Variants in NAALADL2 observed in about 807,000 individuals in gnomAD.
NAALADL2 encodes the protein inactive N-acetylated-alpha-linked acidic dipeptidase-like protein 2.
NAALADL2 carries 76 observed loss-of-function variants against 87.2 expected under a neutral mutation model. The ratio of observed to expected loss-of-function variants is 0.87; its 90% CI spans 0.72 to 1.05. The LOEUF (loss-of-function observed/expected upper bound fraction) is 1.05, where lower values mean the gene tolerates loss of function less well. Among genes scored for constraint, NAALADL2 ranks in the 50% least tolerant of loss-of-function variants. The pLI is 0.00. For synonymous variants in NAALADL2, 354 were observed against 331.0 expected (o/e 1.07, Z -0.75); for missense variants, 1,089 against 945.8 (o/e 1.15, Z -1.99).
chr3:175,427,688 T>G (rs1264954345), intron 5 of NAALADL2, among the ~76,000 whole-genome samples: 1 of 152,180 alleles, frequency 6.6e-6, no homozygotes, highest in Non-Finnish European at 1.5e-5. Context: ...AATATTACAT[T>G]TCTTGTTTTC....
chr3:175,413,324 C>G (rs546141411), intron 5 of NAALADL2, among the ~76,000 whole-genome samples: 24 of 151,140 alleles, frequency 1.6e-4, no homozygotes, highest in African/African-American at 5.1e-4. Context: ...GTAATCCCAG[C>G]CTTTTGGGAG....
intron 11 of NAALADL2, among the ~76,000 whole-genome samples, chr3:175,693,397 T>G (rs1396156873): frequency 6.6e-6 from 1 of 152,154 alleles, no homozygotes. Flanking sequence ...AGTAACCCAA[T>G]GCACTCAGGC....
chr3:174,456,396 C>T (rs1425271306), intron 1 of NAALADL2, among the ~76,000 whole-genome samples: 1 of 98,162 alleles, frequency 1.0e-5, no homozygotes, highest in Non-Finnish European at 1.9e-5. Context: ...AATCAACAGC[C>T]AAGGCAATCC....
intron 2 of NAALADL2, among the ~76,000 whole-genome samples, chr3:174,726,545 A>G (rs1281036650): frequency 6.6e-6 from 1 of 151,990 alleles, no homozygotes; most frequent in Middle Eastern, 3.2e-3. Context: ...CCCAAGGTGA[A>G]TGCTTAACTG....
intron 13 of NAALADL2, among the ~76,000 whole-genome samples, chr3:175,774,571 G>GA (rs929994471): frequency 9.4e-5 from 14 of 148,592 alleles, no homozygotes; most frequent in East Asian, 2.0e-4. Context: ...TTTGTTTGCA[G>GA]AAAAAAAAAA....
intron 1 of NAALADL2, among the ~76,000 whole-genome samples, chr3:174,454,878 C>A (rs1006015976): frequency 3.3e-5 from 5 of 151,692 alleles, no homozygotes; most frequent in Non-Finnish European, 5.9e-5. Context: ...CAAGAAATAA[C>A]CAAAATCAGA....
At chr3:174,520,168 C>A (rs1720187125) in intron 1 of NAALADL2, among the ~76,000 whole-genome samples, 1 of 152,138 alleles carries the variant, frequency 6.6e-6, no homozygotes, top group Non-Finnish European at 1.5e-5. Context: ...CAATGCAATT[C>A]CTGGCAAATT....
At chr3:175,086,915 A>G (rs995244360) in intron 1 of NAALADL2, among the ~76,000 whole-genome samples, 1 of 152,178 alleles carries the variant, frequency 6.6e-6, no homozygotes, top group Non-Finnish European at 1.5e-5. Flanking sequence ...AGATGCTAAC[A>G]ATAATTAGTA....
chr3:174,711,536 T>C (rs1730634372), intron 2 of NAALADL2, among the ~76,000 whole-genome samples: 1 of 152,246 alleles, frequency 6.6e-6, no homozygotes, highest in Admixed American at 6.5e-5. Flanking sequence ...TGGCCTTTTC[T>C]AATTTCTTTA....
At chr3:174,571,873 A>G (rs1248914698) in intron 2 of NAALADL2, among the ~76,000 whole-genome samples, 1 of 152,238 alleles carries the variant, frequency 6.6e-6, no homozygotes, top group East Asian at 1.9e-4. Flanking sequence ...TTACTCAATA[A>G]AAACTACATA....
intron 1 of NAALADL2, among the ~76,000 whole-genome samples, chr3:174,482,397 T>A (rs1237135740): frequency 6.6e-6 from 1 of 151,256 alleles, no homozygotes; most frequent in African/African-American, 2.4e-5. Flanking sequence ...AGGAAGGGGG[T>A]TCAGGTGCTG....
intron 9 of NAALADL2, among the ~76,000 whole-genome samples, chr3:175,503,738 T>C (rs1027927066): frequency 2.0e-5 from 3 of 152,204 alleles, no homozygotes; most frequent in Non-Finnish European, 2.9e-5. Flanking sequence ...TTTTGAAAAG[T>C]GTCTGTTCAT....
intron 13 of NAALADL2, among the ~76,000 whole-genome samples, chr3:175,789,933 T>C (rs756723957): frequency 3.9e-5 from 6 of 152,168 alleles, no homozygotes; most frequent in Non-Finnish European, 8.8e-5. Flanking sequence ...AATAAATTAA[T>C]AATGGATTGG....
intron 2 of NAALADL2, among the ~76,000 whole-genome samples, chr3:175,143,319 A>G (rs556166889): frequency 6.6e-6 from 1 of 152,050 alleles, no homozygotes; most frequent in South Asian, 2.1e-4. Flanking sequence ...AATTGCAGTG[A>G]TATATGCTAG....
intron 3 of NAALADL2, among the ~76,000 whole-genome samples, chr3:174,845,868 T>C (rs1053472641): frequency 2.6e-5 from 4 of 152,184 alleles, no homozygotes; most frequent in African/African-American, 9.6e-5. Flanking sequence ...GGAATGACAG[T>C]AGCGTCTTAG....
intron 12 of NAALADL2, among the ~76,000 whole-genome samples, chr3:175,746,444 T>G (rs1303069178): frequency 6.6e-6 from 1 of 152,046 alleles, no homozygotes; most frequent in Non-Finnish European, 1.5e-5. Context: ...TGCCTGAGTC[T>G]ATTTCTCAGC....
intron 3 of NAALADL2, among the ~76,000 whole-genome samples, chr3:174,777,307 CCTT>C (rs1323052846): frequency 2.0e-5 from 3 of 152,042 alleles, no homozygotes; most frequent in South Asian, 2.1e-4. Context: ...CACCAAGTGT[CCTT>C]CTTCCTCTGT....
At chr3:175,677,707 G>T (rs1735008799) in intron 11 of NAALADL2, among the ~76,000 whole-genome samples, 5 of 152,060 alleles carry the variant, frequency 3.3e-5, no homozygotes, top group Admixed American at 3.3e-4. Flanking sequence ...AGAGTATTTT[G>T]TAAACTCACA....
chr3:174,892,518 G>A (rs537049988), intron 1 of NAALADL2, among the ~76,000 whole-genome samples: 1 of 152,112 alleles, frequency 6.6e-6, no homozygotes, highest in Admixed American at 6.5e-5. Flanking sequence ...AAAAATCTAA[G>A]AGTTATTGAA....
Sources: allele counts gnomAD v4.1 joint callset (sites outside exome capture counted in the v4.1 genomes callset), GRCh38; gene constraint gnomAD v4.1.1; transcripts MANE v1.5; gene names NCBI Gene and HGNC (gene_info 2026-07-23, HGNC 2026-07-21).